The following DOK6 variants were observed in gnomAD, a reference collection of about 807,000 sequenced individuals.
DOK6 encodes docking protein 6.
In DOK6, 22 loss-of-function variants were observed where a neutral mutation model predicts 44.0. The observed-to-expected ratio is 0.50, with a 90% CI of 0.36 to 0.71. DOK6 has a LOEUF of 0.71. Among genes scored for constraint, DOK6 ranks in the 30% least tolerant of loss-of-function variants. The pLI, the probability that DOK6 is intolerant of heterozygous loss-of-function variation, is 0.00. For missense variants in DOK6, 340 were observed against 416.4 expected (o/e 0.82, Z 1.60); for synonymous variants, 166 against 145.5 (o/e 1.14, Z -1.01).
At chr18:69,582,619 T>G (rs575687665) in intron 2 of DOK6, among the ~76,000 whole-genome samples, 7 of 152,162 alleles carry the variant, frequency 4.6e-5, no homozygotes, top group Non-Finnish European at 4.4e-5. Context: ...CTATCATCAG[T>G]GGTTTCTATA....
chr18:69,566,358 G>A (rs2144599624), intron 2 of DOK6, among the ~76,000 whole-genome samples: 1 of 152,148 alleles, frequency 6.6e-6, no homozygotes, highest in East Asian at 1.9e-4. Flanking sequence ...GGATGGTCTC[G>A]ATCTTCTGAC....
chr18:69,577,795 C>A (rs1983273082), intron 2 of DOK6, among the ~76,000 whole-genome samples: 2 of 152,066 alleles, frequency 1.3e-5, no homozygotes, highest in African/African-American at 4.8e-5. Flanking sequence ...TGTCTAAATT[C>A]TAGGAACCTT....
chr18:69,668,416 C>A (rs1253360483), intron 3 of DOK6, among the ~76,000 whole-genome samples: 1 of 152,016 alleles, frequency 6.6e-6, no homozygotes, highest in African/African-American at 2.4e-5. Context: ...CTATTCTTTT[C>A]ATTTTTCCTA....
At chr18:69,824,269 C>G (rs1981673430) in intron 7 of DOK6, among the ~76,000 whole-genome samples, 2 of 132,604 alleles carry the variant, frequency 1.5e-5, no homozygotes, top group African/African-American at 5.6e-5. Flanking sequence ...TTGTTTAATT[C>G]CCACCTATGG....
chr18:69,717,124 C>G (rs536307692), intron 5 of DOK6, among the ~76,000 whole-genome samples: 2 of 152,270 alleles, frequency 1.3e-5, no homozygotes, highest in South Asian at 4.1e-4. Flanking sequence ...GAATTCTGGT[C>G]TAAAGAATAA....
chr18:69,666,284 G>A (rs953453572), intron 3 of DOK6, among the ~76,000 whole-genome samples: 7 of 152,076 alleles, frequency 4.6e-5, no homozygotes, highest in African/African-American at 1.7e-4. Flanking sequence ...AGTTACTACA[G>A]GTGACGTTTT....
intron 1 of DOK6, among the ~76,000 whole-genome samples, chr18:69,478,507 ATAGT>A (rs1482730137): frequency 6.6e-6 from 1 of 152,172 alleles, no homozygotes; most frequent in African/African-American, 2.4e-5. Flanking sequence ...ATGGGAAAAA[ATAGT>A]TAATGTTCTA....
intron 1 of DOK6, among the ~76,000 whole-genome samples, chr18:69,564,197 G>T (rs1043811343): frequency 1.3e-5 from 2 of 152,112 alleles, no homozygotes; most frequent in Admixed American, 6.5e-5. Context: ...CTGTCACTAG[G>T]ATGGTGATAA....
chr18:69,436,117 C>G (rs574908238), intron 1 of DOK6, among the ~76,000 whole-genome samples: 7 of 151,780 alleles, frequency 4.6e-5, no homozygotes, highest in Admixed American at 4.6e-4. Context: ...GATAAATCAC[C>G]GCAGCCTCTC....
At chr18:69,697,880 T>C (rs541322080) in intron 4 of DOK6, among the ~76,000 whole-genome samples, 22 of 152,376 alleles carry the variant, frequency 1.4e-4, no homozygotes, top group Admixed American at 1.3e-4. Flanking sequence ...TGACCATGAC[T>C]ACAATTTGTT....
intron 1 of DOK6, among the ~76,000 whole-genome samples, chr18:69,559,725 T>G (rs1359379984): frequency 6.6e-6 from 1 of 152,134 alleles, no homozygotes; most frequent in Non-Finnish European, 1.5e-5. Flanking sequence ...ATTTATTTTT[T>G]CACAGTTCTG....
chr18:69,623,663 T>C (rs961368958), intron 3 of DOK6, among the ~76,000 whole-genome samples: 1 of 152,208 alleles, frequency 6.6e-6, no homozygotes, highest in Non-Finnish European at 1.5e-5. Context: ...CTAATGATTA[T>C]TACTAATATT....
At chr18:69,528,430 T>G (rs1158987559) in intron 1 of DOK6, among the ~76,000 whole-genome samples, 2 of 152,142 alleles carry the variant, frequency 1.3e-5, no homozygotes, top group Admixed American at 6.5e-5. Context: ...CCCAGTAGGT[T>G]TTAATGCGTA....
At chr18:69,624,890 T>C (rs948076764) in intron 3 of DOK6, among the ~76,000 whole-genome samples, 5 of 152,154 alleles carry the variant, frequency 3.3e-5, no homozygotes, top group African/African-American at 9.6e-5. Flanking sequence ...TTTTCTTCTT[T>C]ACATGTTTTC....
At chr18:69,809,446 A>G (rs1981150317) in intron 7 of DOK6, among the ~76,000 whole-genome samples, 1 of 151,670 alleles carries the variant, frequency 6.6e-6, no homozygotes, top group Non-Finnish European at 1.5e-5. Flanking sequence ...GCCTAGCCAA[A>G]ATAAGCAGGA....
chr18:69,559,855 A>C (rs1165342793), intron 1 of DOK6, among the ~76,000 whole-genome samples: 2 of 152,078 alleles, frequency 1.3e-5, no homozygotes, highest in Non-Finnish European at 2.9e-5. Context: ...CTTGTGAGTA[A>C]GCAGAGAAAG....
At chr18:69,666,838 A>T (rs1161991610) in intron 3 of DOK6, among the ~76,000 whole-genome samples, 2 of 152,168 alleles carry the variant, frequency 1.3e-5, no homozygotes. Context: ...ATCAGCAGGG[A>T]TTCACAAGCT....
Position 69,544,260 on chromosome 18 carries a change from A to G in DOK6, c.67-20227A>G, listed in dbSNP as rs536124399. On this transcript the variant is annotated intron_variant, in intron 1 of 7. Coordinates refer to ENST00000382713, the MANE Select transcript of DOK6 (RefSeq NM_152721.6). ...GTGACAGGGCAAGACTCCATCTCAG[A>G]AAAACAAAACAAAACAAAAAAACTT... Among the ~76,000 whole-genome samples, 3 of 151,670 alleles carry G rather than the reference A, an allele frequency of 2.0e-5. No homozygotes were observed. In the East Asian group the frequency reaches 5.8e-4, roughly 29 times the overall value.
At chr18:69,646,555 G>A (rs1283676867) in intron 3 of DOK6, among the ~76,000 whole-genome samples, 2 of 152,068 alleles carry the variant, frequency 1.3e-5, no homozygotes, top group African/African-American at 4.8e-5. Flanking sequence ...GAGTTTGAGG[G>A]GCTCGCTGGG....
Sources: gnomAD v4.1 joint callset for allele counts (sites outside exome capture counted in the v4.1 genomes callset) on GRCh38, gnomAD v4.1.1 for gene constraint, MANE v1.5 for transcripts, NCBI Gene and HGNC (gene_info 2026-07-23, HGNC 2026-07-21) for gene names.